The following VAPB variants were observed in gnomAD, a reference collection of about 807,000 sequenced individuals.
VAPB encodes vesicle-associated membrane protein-associated protein B/C.
Under a neutral mutation model 25.6 loss-of-function variants are expected in VAPB, and 7 were observed. The observed-to-expected ratio is 0.27, with a 90% confidence interval of 0.16 to 0.51. VAPB has a LOEUF of 0.51. VAPB is among the 20% of genes least tolerant of loss of function. The pLI is 0.97. For synonymous variants in VAPB, 112 were observed against 109.2 expected (o/e 1.03, Z -0.16); for missense variants, 266 against 301.3 (o/e 0.88, Z 0.87).
At chr20:58,424,474 A>C (rs1216056001) in intron 2 of VAPB, among the ~76,000 whole-genome samples, 1 of 152,062 alleles carries the variant, frequency 6.6e-6, no homozygotes. Context: ...ATTGTTCTCC[A>C]TGTTTTAGGT....
Position 58,423,414 on chromosome 20 carries a change from C to CAAAAAAAAAAAAAAAAAAA in VAPB, c.211+5068_211+5086dup, listed in dbSNP as rs59133081. On this transcript the variant is annotated intron_variant, in intron 2 of 5. Transcript: ENST00000475243. ...GCAACAAGAGAGAAACTCCATCTCA[C>CAAAAAAAAAAAAAAAAAAA]AAAAAAAAAAAAAAAAAAAAAAAAA... Among the ~76,000 whole-genome samples the CAAAAAAAAAAAAAAAAAAA allele has an allele frequency of 2.9e-4, 10 of 34,762 alleles. 3 individuals are homozygous for CAAAAAAAAAAAAAAAAAAA. The highest frequency in any genetic ancestry group is 1.3e-3 in the Admixed American group (2 of 1,510). 22.8% of individuals were successfully genotyped at this position (34,762 alleles called of 152,430 possible).
intron 2 of VAPB, among the ~76,000 whole-genome samples, chr20:58,425,821 C>T (rs947271547): frequency 1.3e-5 from 2 of 152,154 alleles, no homozygotes; most frequent in Admixed American, 1.3e-4. Context: ...AGCAAACATT[C>T]GTGGTGACTC....
chr20:58,432,967 C>T lies in VAPB; in HGVS notation c.212-1635C>T, dbSNP rs1988959311. Among the ~76,000 whole-genome samples, 7 of 152,310 alleles carry T rather than the reference C, an allele frequency of 4.6e-5. No homozygotes were observed. The South Asian group carries it at 1.5e-3, about 32-fold the overall frequency. On this transcript the variant is annotated intron_variant, in intron 2 of 5. Transcript: ENST00000475243. ...AGGCTTCCTTGTAGCTCAGGGCCTTCAGGTGGGTCTTGTGGGCAGTGAAGC... is the reference window on the plus strand; with the variant it reads ...AGGCTTCCTTGTAGCTCAGGGCCTTTAGGTGGGTCTTGTGGGCAGTGAAGC...
intron 2 of VAPB, among the ~76,000 whole-genome samples, chr20:58,431,841 G>T (rs1988936240): frequency 6.6e-6 from 1 of 152,122 alleles, no homozygotes; most frequent in South Asian, 2.1e-4. Flanking sequence ...TTACAGTTGT[G>T]AGCCACCATG....
chr20:58,445,946 T>A lies in VAPB; in HGVS notation c.*1711T>A. 1 of 454,040 alleles carries A rather than the reference T, an allele frequency of 2.2e-6. No individual in the cohort carries two copies. The highest frequency in any genetic ancestry group is 1.6e-5 in the South Asian group (1 of 64,470). The allele number at this position is 454,040 out of a possible 1,614,324, so 28.1% of individuals were successfully genotyped here. On this transcript the variant is annotated 3_prime_UTR_variant, in exon 6 of 6. Transcript: ENST00000475243. ...AGTTCATCAGAAGGAAGGCAGTCCT[T>A]AGAAGTCACATACGTTGAGCCACGT...
At chr20:58,400,000 A>G (rs762618871) in intron 1 of VAPB, among the ~76,000 whole-genome samples, 1 of 152,208 alleles carries the variant, frequency 6.6e-6, no homozygotes, top group Non-Finnish European at 1.5e-5. Flanking sequence ...AATGGAAGAA[A>G]TGGAAAGGTA....
rs1989234878 is a variant in VAPB at position 58,444,568 on chromosome 20, C to T, written c.*333C>T. 1 of 472,146 alleles carries T rather than the reference C, an allele frequency of 2.1e-6. No homozygotes were observed. The highest frequency in any genetic ancestry group is 2.0e-5 in the African/African-American group (1 of 50,834). 29.2% of individuals were successfully genotyped at this position (472,146 alleles called of 1,614,324 possible). On this transcript the variant is annotated 3_prime_UTR_variant, in exon 6 of 6. Coordinates refer to ENST00000475243, the MANE Select transcript of VAPB (RefSeq NM_004738.5). ...GGCCTTGGTACATGATGCTGGATTA[C>T]CTCTCTTAAAATGACACCCTTCCTC... is the stretch of plus-strand genomic sequence containing the variant.
chr20:58,391,594 C>T (rs1035280340), intron 1 of VAPB, among the ~76,000 whole-genome samples: 1 of 151,726 alleles, frequency 6.6e-6, no homozygotes, highest in Non-Finnish European at 1.5e-5. Flanking sequence ...AGTGCAGAGG[C>T]GCCATCTCAC....
chr20:58,440,635 G>A, intron 4 of VAPB: 1 of 362,732 alleles, frequency 2.8e-6, no homozygotes. Flanking sequence ...GAATTTGATA[G>A]TGCAATATAC....
intron 1 of VAPB, among the ~76,000 whole-genome samples, 164 bp downstream of exon 1, chr20:58,389,681 A>G (rs1600763168): frequency 6.6e-6 from 1 of 152,020 alleles, no homozygotes; most frequent in Non-Finnish European, 1.5e-5. Context: ...CGCGCTCCCC[A>G]GAACTGCCCG....
At chr20:58,439,178 G>A in intron 4 of VAPB, 153 bp downstream of exon 4, 1 of 698,600 alleles carries the variant, frequency 1.4e-6, no homozygotes, top group Non-Finnish European at 2.4e-6. Flanking sequence ...CAAATAAGTG[G>A]GCCTTTATGA....
chr20:58,394,576 T>C (rs998313998), intron 1 of VAPB, among the ~76,000 whole-genome samples: 1 of 141,484 alleles, frequency 7.1e-6, no homozygotes, highest in African/African-American at 2.9e-5. Flanking sequence ...AGTAGCTTGC[T>C]TATCAAAAGC....
rs139732450 is a variant in VAPB at position 58,431,375 on chromosome 20, T to A, written c.212-3227T>A. ...GAACCATGAAGCTCTGGTTGGCAGA[T>A]GAAAGTATTCCACAATTATAATTTT... On this transcript the variant is annotated intron_variant, in intron 2 of 5. Transcript: ENST00000475243. 9.8e-5 allele frequency: 15 copies of A among 152,352 alleles called. No individual in the cohort carries two copies. In the East Asian group the frequency reaches 2.9e-3, roughly 29 times the overall value. 9.4% of individuals were successfully genotyped at this position (152,352 alleles called of 1,614,324 possible). A position where few individuals can be genotyped will look rare whatever the true frequency, so the allele number is the denominator to read the frequency against.
Position 58,418,335 on chromosome 20 carries a change from C to T in VAPB, c.183C>T (p.Ile61=), listed in dbSNP as rs776678595. The T allele has an allele frequency of 9.9e-6, 16 of 1,614,054 alleles. No homozygotes were observed. Among genetic ancestry groups the T allele is most frequent in the South Asian group, 2.2e-5 (2 of 91,084 alleles). Residue 61 remains isoleucine (I), a synonymous_variant, in exon 2 of 6, where the codon ATC becomes ATT. Coordinates refer to ENST00000475243, the MANE Select transcript of VAPB (RefSeq NM_004738.5). ...RYCVRPNSGI[I]DAGASINVSV... Reference sequence around the variant, plus strand: ...GTGTGAGGCCCAACAGCGGAATCATCGATGCAGGGGCCTCAATTAATGTAT... The same window carrying T: ...GTGTGAGGCCCAACAGCGGAATCATTGATGCAGGGGCCTCAATTAATGTAT...
intron 1 of VAPB, 76 bp downstream of exon 1, chr20:58,389,593 G>C: frequency 6.8e-7 from 1 of 1,475,934 alleles, no homozygotes; most frequent in Non-Finnish European, 9.1e-7. Flanking sequence ...CGGCGCGGCG[G>C]GTGACGTCGG....
intron 2 of VAPB, among the ~76,000 whole-genome samples, chr20:58,422,853 A>G (rs1241737590): frequency 2.6e-5 from 4 of 152,204 alleles, no homozygotes; most frequent in Non-Finnish European, 4.4e-5. Context: ...CTGTGTCCCA[A>G]GCAAATTAGA....
chr20:58,389,333 A>G lies in VAPB; in HGVS notation c.-127A>G, dbSNP rs2123004552. On this transcript the variant is annotated 5_prime_UTR_variant, in exon 1 of 6. Transcript: ENST00000475243. ...CCCCAGCGCGCCCACCCGGTAGAGG[A>G]CCCCCGCCCGTGCCCCGACCGGTCC... 11 of 401,054 alleles carry G rather than the reference A, an allele frequency of 2.7e-5. No individual in the cohort carries two copies. Among genetic ancestry groups the G allele is most frequent in the Non-Finnish European group, 4.2e-5 (9 of 212,214 alleles). 24.8% of individuals were successfully genotyped at this position (401,054 alleles called of 1,614,324 possible).
chr20:58,391,329 C>T (rs1461451276), intron 1 of VAPB, among the ~76,000 whole-genome samples: 2 of 152,224 alleles, frequency 1.3e-5, no homozygotes, highest in Admixed American at 6.5e-5. Flanking sequence ...ACAGCCAGGA[C>T]AGGACAATGA....
chr20:58,433,337 C>T (rs1034744780), intron 2 of VAPB, among the ~76,000 whole-genome samples: 1 of 152,192 alleles, frequency 6.6e-6, no homozygotes, highest in South Asian at 2.1e-4. Context: ...CATTTGTAGA[C>T]CACGGCTATC....
Sources: gnomAD v4.1 joint callset for allele counts (sites outside exome capture counted in the v4.1 genomes callset) on GRCh38, gnomAD v4.1.1 for gene constraint, MANE v1.5 for transcripts, NCBI Gene and HGNC (gene_info 2026-07-23, HGNC 2026-07-21) for gene names.